Variants in SLIT1 observed in about 807,000 individuals in gnomAD.
The protein encoded by SLIT1 is slit guidance ligand 1.
Under a neutral mutation model 186.1 loss-of-function variants are expected in SLIT1, and 66 were observed. The ratio of observed to expected loss-of-function variants is 0.35; its 90% confidence interval spans 0.29 to 0.44. SLIT1 has a LOEUF of 0.44. SLIT1 is among the 20% of genes least tolerant of loss of function. The pLI, the probability that SLIT1 is intolerant of heterozygous loss-of-function variation, is 1.00. For missense variants in SLIT1, 1,638 were observed against 2,037.4 expected (o/e 0.80, Z 3.77); for synonymous variants, 761 against 833.8 (o/e 0.91, Z 1.50).
intron 1 of SLIT1, among the ~76,000 whole-genome samples, chr10:97,171,487 C>G (rs962619635): frequency 3.9e-5 from 6 of 152,206 alleles, no homozygotes; most frequent in Non-Finnish European, 8.8e-5. Context: ...CCACTTAAAG[C>G]CTTCAATGGA....
chr10:97,102,266 A>G (rs1849364303), intron 4 of SLIT1: 1 of 152,210 alleles, frequency 6.6e-6, no homozygotes, highest in Middle Eastern at 3.4e-3. Context: ...TACTAAAAAT[A>G]CAAAAATTCC....
At chr10:97,104,267 C>A (rs1835072395) in intron 4 of SLIT1, among the ~76,000 whole-genome samples, 1 of 151,918 alleles carries the variant, frequency 6.6e-6, no homozygotes. Context: ...GGTCCAGAAG[C>A]AGGAATATGC....
chr10:97,159,016 T>C lies in SLIT1; in HGVS notation c.342-1127A>G, dbSNP rs566389926. Among the ~76,000 whole-genome samples the C allele has an allele frequency of 2.6e-5, 4 of 152,114 alleles. No individual in the cohort carries two copies. The South Asian group carries it at 8.3e-4, about 31-fold the overall frequency. On this transcript the variant is annotated intron_variant, in intron 3 of 36. Coordinates refer to ENST00000266058, the MANE Select transcript of SLIT1 (RefSeq NM_003061.3). Reference sequence around the variant, plus strand: ...AGAAATAACTAAGAGAAACGTCATCTCTACAAAAAATACAAAAAAATTAGC... The same window carrying C: ...AGAAATAACTAAGAGAAACGTCATCCCTACAAAAAATACAAAAAAATTAGC...
At chr10:97,007,940 T>G (rs1422298444) in intron 31 of SLIT1, among the ~76,000 whole-genome samples, 1 of 131,908 alleles carries the variant, frequency 7.6e-6, no homozygotes, top group Non-Finnish European at 1.6e-5. Flanking sequence ...GTTCTAGCCA[T>G]GGCAGTTAGG....
chr10:97,172,258 C>CTGG (rs1432469415), intron 1 of SLIT1, among the ~76,000 whole-genome samples: 1 of 152,066 alleles, frequency 6.6e-6, no homozygotes, highest in Non-Finnish European at 1.5e-5. Context: ...GTTGGCCAGG[C>CTGG]TGATCTCCAA....
At position 97,063,528 on chromosome 10, in the gene SLIT1, G is replaced by A. The variant is rs1379497416; in HGVS notation, c.720C>T (p.Thr240=). 1.9e-6 allele frequency: 3 copies of A among 1,613,246 alleles called. No homozygotes were observed. Among genetic ancestry groups the A allele is most frequent in the African/African-American group, 1.3e-5 (1 of 75,010 alleles). The change falls in exon 8 of 37, where the codon ACC becomes ACT. Residue 240 remains threonine, a synonymous_variant. Coordinates refer to ENST00000266058, the MANE Select transcript of SLIT1 (RefSeq NM_003061.3). The part of the protein sequence containing the change: ...LRQRPTIGLF[T]QCSGPASLRG... ...GCAGGCTGGCTGGGCCCGAGCACTG[G>A]GTGAAGAGCCCGATGGTTGGCCGCT...
At chr10:97,146,427 T>C (rs750074633) in intron 4 of SLIT1, among the ~76,000 whole-genome samples, 4 of 152,164 alleles carry the variant, frequency 2.6e-5, no homozygotes, top group Non-Finnish European at 5.9e-5. Flanking sequence ...TGCCCGTCTC[T>C]ACCCACTGAA....
intron 13 of SLIT1, among the ~76,000 whole-genome samples, chr10:97,054,053 G>A (rs1848814600): frequency 6.6e-6 from 1 of 152,018 alleles, no homozygotes; most frequent in Non-Finnish European, 1.5e-5. Flanking sequence ...ACTGGGCTGA[G>A]AGTTCTGTGG....
chr10:97,042,819 A>G, intron 20 of SLIT1, 82 bp downstream of exon 20: 1 of 1,456,892 alleles, frequency 6.9e-7, no homozygotes, highest in South Asian at 1.3e-5. Context: ...CTGCCTGTCC[A>G]CTCCCATCTT....
At chr10:97,183,681 T>G (rs917026591) in intron 1 of SLIT1, among the ~76,000 whole-genome samples, 3 of 151,850 alleles carry the variant, frequency 2.0e-5, no homozygotes, top group Non-Finnish European at 4.4e-5. Flanking sequence ...ACACTAAAGG[T>G]GGTGAGAGAG....
intron 4 of SLIT1, among the ~76,000 whole-genome samples, chr10:97,133,225 A>T (rs1000390602): frequency 6.6e-6 from 1 of 152,228 alleles, no homozygotes; most frequent in Admixed American, 6.5e-5. Context: ...AGCCTTGAGG[A>T]CATTACGCTA....
At chr10:97,106,616 G>T (rs1340925285) in intron 4 of SLIT1, among the ~76,000 whole-genome samples, 1 of 151,332 alleles carries the variant, frequency 6.6e-6, no homozygotes, top group Non-Finnish European at 1.5e-5. Context: ...ATCTTTATTT[G>T]TAAATAAGGA....
intron 11 of SLIT1, among the ~76,000 whole-genome samples, chr10:97,058,885 A>T (rs1343282366): frequency 6.6e-6 from 1 of 152,128 alleles, no homozygotes; most frequent in Non-Finnish European, 1.5e-5. Flanking sequence ...TGGGAGAGGG[A>T]GGTGCTTCAC....
At position 97,043,477 on chromosome 10, in the gene SLIT1, G is replaced by A. The variant is rs766814017; in HGVS notation, c.1890C>T (p.Asn630=). The A allele has an allele frequency of 1.4e-5, 22 of 1,613,710 alleles. No homozygotes were observed. Among genetic ancestry groups the A allele is most frequent in the East Asian group, 4.5e-5 (2 of 44,894 alleles). Residue 630 remains asparagine (N), a synonymous_variant, in exon 19 of 37, where the codon AAC becomes AAT. Transcript: ENST00000266058. This position sits in a 1 kb window ranked among gnomAD's most constrained non-coding sequence, Gnocchi z 7.0. The part of the protein sequence containing the change: ...LRNNRISCIH[N]DSFTGLRNVR... Reference sequence around the variant, plus strand: ...CGTTGCGCAGGCCCGTGAAGCTGTCGTTGTGGATGCAGCTGATGCGGTTGT... The same window carrying A: ...CGTTGCGCAGGCCCGTGAAGCTGTCATTGTGGATGCAGCTGATGCGGTTGT...
At chr10:97,118,541 G>A (rs1016801456) in intron 4 of SLIT1, among the ~76,000 whole-genome samples, 3 of 152,134 alleles carry the variant, frequency 2.0e-5, no homozygotes, top group Non-Finnish European at 2.9e-5. Context: ...CAAAATGGCC[G>A]TCGCAGGTTC....
intron 4 of SLIT1, among the ~76,000 whole-genome samples, chr10:97,135,552 T>C (rs959685789): frequency 1.1e-4 from 17 of 151,934 alleles, no homozygotes; most frequent in African/African-American, 3.6e-4. Flanking sequence ...GGCCGAGCAA[T>C]AGTGAGGAAG....
At chr10:97,147,110 A>T (rs1368739474) in intron 4 of SLIT1, among the ~76,000 whole-genome samples, 1 of 152,178 alleles carries the variant, frequency 6.6e-6, no homozygotes, top group Non-Finnish European at 1.5e-5. Flanking sequence ...AAAAAATGAC[A>T]TTTTGATATG....
intron 24 of SLIT1, among the ~76,000 whole-genome samples, chr10:97,031,251 A>G (rs995993224): frequency 1.3e-5 from 2 of 152,182 alleles, no homozygotes; most frequent in African/African-American, 4.8e-5. Context: ...CAGGGCAAAA[A>G]CCTCACAGTG....
rs538884873 is a variant in SLIT1, at chr10:97,134,319, T to A, written c.413+23499A>T. ...ACGCCATCTCATTCTACAGGCGTTA[T>A]TGTGCCTGACCTAAACCCAAATACC... On this transcript the variant is annotated intron_variant, in intron 4 of 36. Coordinates refer to ENST00000266058, the MANE Select transcript of SLIT1 (RefSeq NM_003061.3). Among the ~76,000 whole-genome samples the A allele has an allele frequency of 3.8e-3, 584 of 152,298 alleles. 2 individuals carry two copies. Among genetic ancestry groups the A allele is most frequent in the African/African-American group, 0.011 (450 of 41,568 alleles).
Sources: gnomAD v4.1 joint callset for allele counts (sites outside exome capture counted in the v4.1 genomes callset) on GRCh38, gnomAD v4.1.1 for gene constraint, Gnocchi (gnomAD v3.1) non-coding constraint, MANE v1.5 for transcripts, NCBI Gene and HGNC (gene_info 2026-07-23, HGNC 2026-07-21) for gene names.